Variants in SLCO3A1 observed in about 807,000 individuals in gnomAD.
The protein encoded by SLCO3A1 is PGE1 transporter.
Under a neutral mutation model 63.1 loss-of-function variants are expected in SLCO3A1, and 27 were observed. The observed-to-expected ratio is 0.43, with a 90% CI of 0.32 to 0.59. The LOEUF (loss-of-function observed/expected upper bound fraction) is 0.59, where lower values mean the gene tolerates loss of function less well. Ranked by LOEUF, SLCO3A1 falls within the 20% of genes least tolerant of loss-of-function variation. The pLI is 0.09. For missense variants in SLCO3A1, 773 were observed against 945.8 expected, an observed-to-expected ratio of 0.82 and a Z score of 2.40; for synonymous variants, 473 against 409.9, an observed-to-expected ratio of 1.15 and a Z score of -1.86.
intron 2 of SLCO3A1, among the ~76,000 whole-genome samples, chr15:91,957,077 C>G (rs376432875): frequency 2.0e-3 from 1 of 504 alleles, no homozygotes; most frequent in Non-Finnish European, 2.7e-3. Context: ...TATATATATA[C>G]TATATAGTAT....
chr15:91,884,812 A>G lies in SLCO3A1; in HGVS notation c.180+30724A>G, dbSNP rs148969844. Among the ~76,000 whole-genome samples the G allele has an allele frequency of 3.4e-3, 523 of 152,128 alleles. 6 individuals carry two copies. Among genetic ancestry groups the G allele is most frequent in the African/African-American group, 0.012 (497 of 41,494 alleles). On this transcript the variant is annotated intron_variant, in intron 1 of 9. Coordinates refer to ENST00000318445, the MANE Select transcript of SLCO3A1 (RefSeq NM_013272.4). Reference sequence around the variant, plus strand: ...ACGCATTTTTTTGTATGCTTACTCTATGCCAGGCCCCATGCTGCATATTTT... The same window carrying G: ...ACGCATTTTTTTGTATGCTTACTCTGTGCCAGGCCCCATGCTGCATATTTT...
chr15:92,071,187 C>G (rs1046101544), intron 2 of SLCO3A1, among the ~76,000 whole-genome samples: 26 of 152,130 alleles, frequency 1.7e-4, no homozygotes, highest in Admixed American at 1.6e-3. Context: ...AAATACCCTC[C>G]TGGGGGCACG....
chr15:92,016,488 G>A lies in SLCO3A1; in HGVS notation c.647-78393G>A, dbSNP rs567297836. ...TTTGAAGGCTAAAGGAAGGAATGTC[G>A]TCCTGATCCCTTGGGATCTAGGCAG... On this transcript the variant is annotated intron_variant, in intron 2 of 9. Coordinates refer to ENST00000318445, the MANE Select transcript of SLCO3A1 (RefSeq NM_013272.4). 1.3e-3 allele frequency among the ~76,000 whole-genome samples: 202 copies of A among 152,236 alleles called. 1 individual carries two copies. Among genetic ancestry groups the A allele is most frequent in the African/African-American group, 4.6e-3 (192 of 41,550 alleles).
intron 2 of SLCO3A1, among the ~76,000 whole-genome samples, chr15:92,032,318 A>T (rs886464679): frequency 6.6e-6 from 1 of 152,160 alleles, no homozygotes; most frequent in Non-Finnish European, 1.5e-5. Flanking sequence ...GGGAGCATCT[A>T]GGGATGCCTC....
At chr15:92,162,101 G>C (rs1016857460) in intron 9 of SLCO3A1, 9 of 149,556 alleles carry the variant, frequency 6.0e-5, no homozygotes, top group African/African-American at 2.2e-4. Context: ...ACTTTACATG[G>C]TAAAGTGACA....
Position 92,068,078 on chromosome 15 carries a change from A to C in SLCO3A1, c.647-26803A>C, listed in dbSNP as rs2047172802. On this transcript the variant is annotated intron_variant, in intron 2 of 9. Transcript: ENST00000318445. Reference sequence around the variant, plus strand: ...TTACCCTGGGTATTAGGATTTCAACATGAATTTGGCAAGTAAGAGTGCACA... The same window carrying C: ...TTACCCTGGGTATTAGGATTTCAACCTGAATTTGGCAAGTAAGAGTGCACA... 2.0e-5 allele frequency among the ~76,000 whole-genome samples: 3 copies of C among 152,176 alleles called. No individual in the cohort carries two copies. The South Asian group carries it at 6.2e-4, about 32-fold the overall frequency.
rs1294399128 is a variant in SLCO3A1, at chr15:92,171,787, G to C, written c.2004G>C (p.Glu668Asp). 2.6e-6 allele frequency: 4 copies of C among 1,550,766 alleles called. No individual in the cohort carries two copies. The South Asian group carries it at 4.8e-5, about 18-fold the overall frequency. ...TCCCTCCTCCCCCTTTAGGCACAGA[G>C]TACCAAGACATTGAGACTGAGAAAA... Residue 668 changes from glutamate (E) to aspartate (D), a missense_variant, in exon 11 of 11, where the codon GAG (glutamate) becomes GAC (aspartate). By Grantham distance (45) the Glu-to-Asp change is conservative (BLOSUM62 2). Transcript: ENST00000424469.
At chr15:92,078,812 T>C (rs1419243871) in intron 2 of SLCO3A1, among the ~76,000 whole-genome samples, 1 of 152,192 alleles carries the variant, frequency 6.6e-6, no homozygotes, top group Admixed American at 6.5e-5. Context: ...GTACATGGAA[T>C]GTGCTAGAAC....
At position 92,005,702 on chromosome 15, in the gene SLCO3A1, G is replaced by A. The variant is rs573917595; in HGVS notation, c.647-89179G>A. ...GTTTGAGGATACACCTGACCGCTGA[G>A]GGATGCAGAGCACACCTACGCTAGC... On this transcript the variant is annotated intron_variant, in intron 2 of 9. Transcript: ENST00000318445. 5.3e-5 allele frequency among the ~76,000 whole-genome samples: 8 copies of A among 152,316 alleles called. No individual in the cohort carries two copies. The South Asian group carries it at 1.7e-3, about 32-fold the overall frequency.
intron 4 of SLCO3A1, among the ~76,000 whole-genome samples, chr15:92,113,342 G>A (rs2047752789): frequency 6.6e-6 from 1 of 152,168 alleles, no homozygotes; most frequent in Admixed American, 6.5e-5. Context: ...GGCCTTCTTG[G>A]TGGGGTTATG....
In SLCO3A1 at chr15:91,919,224, C is replaced by T. The variant is rs141064796; in HGVS notation, c.646+2766C>T. Among the ~76,000 whole-genome samples the T allele has an allele frequency of 4.0e-3, 616 of 152,302 alleles. 7 individuals carry two copies. Among genetic ancestry groups the T allele is most frequent in the African/African-American group, 0.014 (580 of 41,564 alleles). On this transcript the variant is annotated intron_variant, in intron 2 of 9. Transcript: ENST00000318445. ...TGAAGCATTCCATCTTGAATCAAGCCGATATTTTCCACTGAAATGACTTAC... is the reference window on the plus strand; with the variant it reads ...TGAAGCATTCCATCTTGAATCAAGCTGATATTTTCCACTGAAATGACTTAC...
In SLCO3A1 at chr15:91,882,861, C is replaced by T. The variant is rs116593260; in HGVS notation, c.180+28773C>T. Among the ~76,000 whole-genome samples, 394 of 151,600 alleles carry T rather than the reference C, an allele frequency of 2.6e-3. No individual in the cohort carries two copies. Among genetic ancestry groups the T allele is most frequent in the African/African-American group, 9.2e-3 (379 of 41,226 alleles). On this transcript the variant is annotated intron_variant, in intron 1 of 9. Coordinates refer to ENST00000318445, the MANE Select transcript of SLCO3A1 (RefSeq NM_013272.4). This position sits in a 1 kb window ranked among gnomAD's most constrained non-coding sequence, Gnocchi z 4.4. ...CCACTCGGATTTCACTGAATATGTG[C>T]GATAAGTATAACCTCATCAAGATTT... is the stretch of plus-strand genomic sequence containing the variant.
intron 4 of SLCO3A1, among the ~76,000 whole-genome samples, chr15:92,110,142 C>T (rs2047711491): frequency 1.3e-5 from 2 of 152,172 alleles, no homozygotes; most frequent in Admixed American, 6.5e-5. Context: ...AGAGAAGGTT[C>T]ACCTTTTGAG....
intron 2 of SLCO3A1, among the ~76,000 whole-genome samples, chr15:92,001,394 C>T (rs1356784468): frequency 1.3e-5 from 2 of 152,172 alleles, no homozygotes; most frequent in Non-Finnish European, 2.9e-5. Flanking sequence ...TTTTTGGTCA[C>T]TGTGGTCCAT....
At chr15:92,097,745 G>A (rs571237744) in intron 3 of SLCO3A1, among the ~76,000 whole-genome samples, 2 of 152,296 alleles carry the variant, frequency 1.3e-5, no homozygotes, top group African/African-American at 4.8e-5. Flanking sequence ...GTGAGGCACC[G>A]TGTGGCACAG....
At chr15:91,945,894 A>T (rs1162172559) in intron 2 of SLCO3A1, among the ~76,000 whole-genome samples, 1 of 152,192 alleles carries the variant, frequency 6.6e-6, no homozygotes, top group Non-Finnish European at 1.5e-5. Flanking sequence ...ATGGATTGTG[A>T]TGGAGAGGGA....
chr15:91,864,063 G>C (rs1015741880), intron 1 of SLCO3A1, among the ~76,000 whole-genome samples: 1 of 152,220 alleles, frequency 6.6e-6, no homozygotes, highest in Non-Finnish European at 1.5e-5. Flanking sequence ...GGTTCTCCTT[G>C]CTGCACTAGG....
chr15:91,980,070 G>A (rs1373476034), intron 2 of SLCO3A1, among the ~76,000 whole-genome samples: 1 of 152,174 alleles, frequency 6.6e-6, no homozygotes, highest in Non-Finnish European at 1.5e-5. Flanking sequence ...CAGAGAGGCT[G>A]GATTTGCACA....
chr15:91,935,973 C>T (rs923754612), intron 2 of SLCO3A1, among the ~76,000 whole-genome samples: 2 of 152,152 alleles, frequency 1.3e-5, no homozygotes, highest in African/African-American at 4.8e-5. Context: ...ACTGCTTAAG[C>T]CCTTCCTAAC....
Sources: allele counts gnomAD v4.1 joint callset (sites outside exome capture counted in the v4.1 genomes callset), GRCh38; gene constraint gnomAD v4.1.1; non-coding constraint Gnocchi (gnomAD v3.1); transcripts MANE v1.5; gene names NCBI Gene and HGNC (gene_info 2026-07-23, HGNC 2026-07-21).